Variants in MYO16 observed in about 807,000 individuals in gnomAD.
MYO16 encodes the protein myosin XVI, also known as unconventional myosin-XVI.
In MYO16, 94 loss-of-function variants were observed where a neutral mutation model predicts 205.3. The observed-to-expected ratio is 0.46, with a 90% CI of 0.39 to 0.54. The LOEUF (loss-of-function observed/expected upper bound fraction) is 0.54. MYO16 is among the 20% of genes least tolerant of loss of function. The pLI is 0.00. For missense variants in MYO16, 2,315 were observed against 2,387.5 expected (o/e 0.97, Z 0.63); for synonymous variants, 988 against 954.0 (o/e 1.04, Z -0.66).
At chr13:108,605,712 C>T (rs913022590) in intron 1 of MYO16, among the ~76,000 whole-genome samples, 1 of 152,116 alleles carries the variant, frequency 6.6e-6, no homozygotes, top group African/African-American at 2.4e-5. Flanking sequence ...TTATAAATTT[C>T]CCAGTTTGGG....
rs776329697 is a variant in MYO16, at chr13:109,019,731, C to G, written c.2616C>G (p.Thr872=). ...FFFQKPSGFL[T]LLDEESQMIW... is the part of the protein sequence containing the mutation. ...CTCAGAAGCCATCTGGATTTCTCAC[C>G]TTATTGGATGAAGAAAGTCAAATGA... Residue 872 remains threonine, a synonymous_variant, in exon 23 of 35, where the codon ACC becomes ACG. Coordinates refer to ENST00000457511, the MANE Select transcript of MYO16 (RefSeq NM_001198950.3). 4.3e-6 allele frequency: 7 copies of G among 1,614,008 alleles called. No individual in the cohort carries two copies. In the East Asian group the frequency reaches 1.6e-4, roughly 36 times the overall value.
chr13:108,789,316 T>C (rs1886547568), intron 5 of MYO16, among the ~76,000 whole-genome samples: 1 of 152,198 alleles, frequency 6.6e-6, no homozygotes, highest in South Asian at 2.1e-4. Context: ...CAAATCATGC[T>C]GTCACTGCCT....
intron 23 of MYO16, among the ~76,000 whole-genome samples, chr13:109,044,787 T>C (rs545666203): frequency 1.2e-4 from 19 of 152,064 alleles, no homozygotes; most frequent in Non-Finnish European, 2.4e-4. Context: ...CCTCCCAGGT[T>C]CAAGCAATTC....
At chr13:108,603,545 A>G (rs1190160898) in intron 1 of MYO16, among the ~76,000 whole-genome samples, 4 of 152,134 alleles carry the variant, frequency 2.6e-5, no homozygotes, top group African/African-American at 9.7e-5. Flanking sequence ...TTGTCTTTAC[A>G]TTTTAAATTT....
chr13:108,520,538 T>C, the MYO16 span, among the ~76,000 whole-genome samples: 1 of 152,216 alleles, frequency 6.6e-6, no homozygotes, highest in Non-Finnish European at 1.5e-5. Context: ...TCTTGATTCA[T>C]TGCATTAATA....
chr13:108,628,493 A>G (rs1433195003), upstream of MYO16, among the ~76,000 whole-genome samples: 1 of 152,210 alleles, frequency 6.6e-6, no homozygotes, highest in East Asian at 1.9e-4. Flanking sequence ...ATAGATGAGG[A>G]AACTGAGGCT....
At chr13:108,972,447 A>T (rs1239218557) in intron 20 of MYO16, among the ~76,000 whole-genome samples, 1 of 117,044 alleles carries the variant, frequency 8.5e-6, no homozygotes, top group Non-Finnish European at 1.7e-5. Flanking sequence ...TTTATGGGGA[A>T]GGGGAGAGTT....
At chr13:108,793,381 T>C (rs921643579) in intron 5 of MYO16, 135 bp from the exon 6 acceptor site, 3 of 714,726 alleles carry the variant, frequency 4.2e-6, no homozygotes, top group Non-Finnish European at 6.8e-6. Context: ...ATCAATTCTT[T>C]GAATGAGTGT....
chr13:109,022,017 G>C (rs1385327560), intron 23 of MYO16, among the ~76,000 whole-genome samples: 1 of 150,962 alleles, frequency 6.6e-6, no homozygotes, highest in Non-Finnish European at 1.5e-5. Context: ...GGCTGGGGTG[G>C]TGAGTGGCAC....
At chr13:108,697,027 G>A (rs1398430150) in intron 2 of MYO16, among the ~76,000 whole-genome samples, 1 of 149,846 alleles carries the variant, frequency 6.7e-6, no homozygotes, top group African/African-American at 2.5e-5. Context: ...CCATGAATCA[G>A]TTGACACAAA....
intron 1 of MYO16, among the ~76,000 whole-genome samples, chr13:108,599,199 C>G (rs976272678): frequency 6.0e-5 from 9 of 150,888 alleles, no homozygotes; most frequent in African/African-American, 2.2e-4. Context: ...GCATAGTATT[C>G]CATGGTGTAT....
chr13:108,677,336 TATATATATATATATATATGC>T (rs1174294351), intron 2 of MYO16, among the ~76,000 whole-genome samples: 47 of 86,630 alleles, frequency 5.4e-4, no homozygotes, highest in Non-Finnish European at 8.2e-4. Flanking sequence ...TGTGTGTGTG[TATATATATATATATATATGC>T]ATATATATAT....
intron 3 of MYO16, among the ~76,000 whole-genome samples, chr13:108,714,592 CTGTGTG>C (rs572376937): frequency 6.8e-6 from 1 of 146,680 alleles, no homozygotes; most frequent in Non-Finnish European, 1.5e-5. Flanking sequence ...GTGTGTGTGT[CTGTGTG>C]TGTGTGTGTG....
chr13:109,200,613 T>C (rs1880356566), intron 34 of MYO16, among the ~76,000 whole-genome samples: 2 of 152,126 alleles, frequency 1.3e-5, no homozygotes, highest in Admixed American at 6.5e-5. Context: ...TAGTAAACAC[T>C]GAGAAGCTTT....
chr13:108,584,663 C>G, the MYO16 span, among the ~76,000 whole-genome samples: 1 of 152,162 alleles, frequency 6.6e-6, no homozygotes, highest in East Asian at 1.9e-4. Context: ...CAACATTCTA[C>G]TCTCTACCTC....
intron 8 of MYO16, among the ~76,000 whole-genome samples, chr13:108,820,918 T>C (rs2139016461): frequency 6.6e-6 from 1 of 152,232 alleles, no homozygotes; most frequent in South Asian, 2.1e-4. Context: ...TTAATAAATA[T>C]ATTTTTGAAG....
intron 23 of MYO16, 120 bp downstream of exon 23, chr13:109,020,031 C>T: frequency 1.1e-6 from 1 of 913,350 alleles, no homozygotes; most frequent in Non-Finnish European, 1.6e-6. Context: ...GCTGGATGAA[C>T]AACCCACAAC....
intron 4 of MYO16, among the ~76,000 whole-genome samples, chr13:108,781,979 G>T (rs899898933): frequency 6.6e-6 from 1 of 152,140 alleles, no homozygotes; most frequent in African/African-American, 2.4e-5. Flanking sequence ...CCAGTTTCAG[G>T]TATGGCTTTA....
chr13:109,181,626 G>A (rs550898110), intron 34 of MYO16, among the ~76,000 whole-genome samples: 77 of 152,170 alleles, frequency 5.1e-4, no homozygotes, highest in African/African-American at 1.7e-3. Context: ...ATGTCTGGGC[G>A]TTATGGTAGA....
Sources: gnomAD v4.1 joint callset for allele counts (sites outside exome capture counted in the v4.1 genomes callset) on GRCh38, gnomAD v4.1.1 for gene constraint, MANE v1.5 for transcripts, NCBI Gene and HGNC (gene_info 2026-07-23, HGNC 2026-07-21) for gene names.